SLC16A10: variants seen among roughly 807,000 people sequenced by gnomAD.
SLC16A10 encodes monocarboxylate transporter 10.
In SLC16A10, 27 loss-of-function variants were observed where a neutral mutation model predicts 40.0. That is an observed-to-expected ratio of 0.67 (90% CI 0.50 to 0.93). SLC16A10 has a LOEUF of 0.93. Ranked by LOEUF, SLC16A10 falls within the 40% of genes least tolerant of loss-of-function variation. SLC16A10 has a pLI of 0.00. For synonymous variants in SLC16A10, 213 were observed against 249.8 expected, an observed-to-expected ratio of 0.85 and a Z score of 1.39; for missense variants, 529 against 658.2, an observed-to-expected ratio of 0.80 and a Z score of 2.15.
intron 1 of SLC16A10, among the ~76,000 whole-genome samples, chr6:111,159,067 CAAAAAAAAAAAAAA>C (rs548809670): frequency 1.1e-3 from 25 of 23,406 alleles, no homozygotes; most frequent in Admixed American, 4.2e-3. Context: ...GACCCTGACT[CAAAAAAAAAAAAAA>C]AAAAAAAAAA....
intron 3 of SLC16A10, among the ~76,000 whole-genome samples, chr6:111,186,895 A>G (rs1483212967): frequency 1.3e-5 from 2 of 152,152 alleles, no homozygotes; most frequent in Admixed American, 6.6e-5. Context: ...TGCTCATTTA[A>G]AGGGCAATGC....
At chr6:111,191,942 A>G (rs1773001052) in intron 3 of SLC16A10, among the ~76,000 whole-genome samples, 1 of 152,144 alleles carries the variant, frequency 6.6e-6, no homozygotes, top group Admixed American at 6.5e-5. Flanking sequence ...ATAGATTGCA[A>G]AAATTTTCTC....
intron 3 of SLC16A10, among the ~76,000 whole-genome samples, chr6:111,186,359 G>A (rs1161938455): frequency 5.9e-5 from 9 of 152,198 alleles, no homozygotes; most frequent in Non-Finnish European, 1.3e-4. Context: ...TCAAGTTTGA[G>A]GAACCTAAAT....
intron 1 of SLC16A10, among the ~76,000 whole-genome samples, chr6:111,100,845 T>C (rs1321524919): frequency 6.6e-6 from 1 of 151,674 alleles, no homozygotes; most frequent in African/African-American, 2.4e-5. Context: ...TATGCATATA[T>C]ACATACATAC....
chr6:111,210,963 C>CA, intron 4 of SLC16A10, among the ~76,000 whole-genome samples: 1 of 150,130 alleles, frequency 6.7e-6, no homozygotes, highest in South Asian at 2.1e-4. Context: ...GCAGAGGTTG[C>CA]AGTGAGCCGA....
At chr6:111,191,340 G>A (rs1220216430) in intron 3 of SLC16A10, among the ~76,000 whole-genome samples, 2 of 152,124 alleles carry the variant, frequency 1.3e-5, no homozygotes, top group Non-Finnish European at 2.9e-5. Context: ...CCCTGCAAAG[G>A]ACATGAACTC....
intron 1 of SLC16A10, among the ~76,000 whole-genome samples, chr6:111,157,889 C>T (rs796809009): frequency 6.6e-4 from 96 of 146,262 alleles, no homozygotes; most frequent in African/African-American, 2.3e-3. Flanking sequence ...ATCCTTCTTA[C>T]AATGCTATAT....
intron 1 of SLC16A10, among the ~76,000 whole-genome samples, chr6:111,098,151 A>G (rs189832536): frequency 0.013 from 2,019 of 152,062 alleles, no homozygotes; most frequent in African/African-American, 0.047. Flanking sequence ...TACTAAAAAT[A>G]CTAAATTAGC....
intron 1 of SLC16A10, among the ~76,000 whole-genome samples, chr6:111,107,265 T>C (rs1583306079): frequency 6.6e-6 from 1 of 152,330 alleles, no homozygotes; most frequent in East Asian, 1.9e-4. Context: ...ACAACATGTC[T>C]GAACAGTTCG....
At chr6:111,180,331 C>T (rs1216128894) in intron 3 of SLC16A10, among the ~76,000 whole-genome samples, 1 of 152,092 alleles carries the variant, frequency 6.6e-6, no homozygotes, top group African/African-American at 2.4e-5. Flanking sequence ...ATCACTTGAG[C>T]CCAGCAGTTC....
At position 111,190,611 on chromosome 6, in the gene SLC16A10, TC is replaced by T. The variant is rs1400958691; in HGVS notation, c.942+12949del. On this transcript the variant is annotated intron_variant, in intron 3 of 5. Transcript: ENST00000368851. ...CATCCTCTGAAATCTAGGTGGAGGT[TC>T]CCAACCTCAATTCTTGATTTCTGTG... Among the ~76,000 whole-genome samples the T allele has an allele frequency of 2.6e-5, 4 of 152,354 alleles. No homozygotes were observed. In the East Asian group the frequency reaches 7.7e-4, roughly 29 times the overall value.
intron 1 of SLC16A10, among the ~76,000 whole-genome samples, chr6:111,164,609 A>T (rs1772437947): frequency 6.6e-6 from 1 of 152,086 alleles, no homozygotes; most frequent in Admixed American, 6.6e-5. Flanking sequence ...AAAAAAAAAT[A>T]AAAAAATTAG....
chr6:111,087,993 A>G lies in SLC16A10; in HGVS notation c.241A>G (p.Asn81Asp). ...GGTGATGCTGGCGGCCATGTGGTGC[A>G]ACGGGTCGGTGTTCGGCATCCAGAA... ...WLVMLAAMWC[N>D]GSVFGIQNAC... The change falls in exon 1 of 6, where the codon AAC becomes GAC. Residue 81 changes from asparagine to aspartate, a missense_variant. Asn to Asp is a conservative substitution (Grantham distance 23). Coordinates refer to ENST00000368851, the MANE Select transcript of SLC16A10 (RefSeq NM_018593.5). The G allele has an allele frequency of 6.2e-7, 1 of 1,611,374 alleles. No individual in the cohort carries two copies. The highest frequency in any genetic ancestry group is 8.5e-7 in the Non-Finnish European group (1 of 1,179,004).
At chr6:111,189,064 A>G (rs1772947811) in intron 3 of SLC16A10, among the ~76,000 whole-genome samples, 1 of 152,230 alleles carries the variant, frequency 6.6e-6, no homozygotes, top group Admixed American at 6.5e-5. Context: ...TTGAGTATCT[A>G]TTGTGTGCCA....
rs1771109848 is a variant in SLC16A10, at chr6:111,231,161, T to C, written c.*8926T>C. The C allele has an allele frequency of 6.6e-6, 1 of 150,900 alleles. No individual in the cohort carries two copies. Among genetic ancestry groups the C allele is most frequent in the Non-Finnish European group, 1.5e-5 (1 of 67,952 alleles). 9.3% of individuals were successfully genotyped at this position (150,900 alleles called of 1,614,324 possible). ...TTACTGTGGAAAAATGTGATACTCT[T>C]AGTAAATGCAATAAAAACTTTTTAG... On this transcript the variant is annotated 3_prime_UTR_variant, in exon 6 of 6. Coordinates refer to ENST00000368851, the MANE Select transcript of SLC16A10 (RefSeq NM_018593.5).
Position 111,091,342 on chromosome 6 carries a change from T to C in SLC16A10, c.343+3247T>C, listed in dbSNP as rs570861162. The C allele has an allele frequency of 4.6e-5, 7 of 152,326 alleles. No homozygotes were observed. The East Asian group carries it at 1.3e-3, about 29-fold the overall frequency. 9.4% of individuals were successfully genotyped at this position (152,326 alleles called of 1,614,324 possible). A position where few individuals can be genotyped will look rare whatever the true frequency, so the allele number is the denominator to read the frequency against. On this transcript the variant is annotated intron_variant, in intron 1 of 5. Transcript: ENST00000368851. Reference sequence around the variant, plus strand: ...GCTGAAGCAAGCACCAGGAGCTGGGTTTTAATCATTCATCATATTGCATTG... The same window carrying C: ...GCTGAAGCAAGCACCAGGAGCTGGGCTTTAATCATTCATCATATTGCATTG...
At chr6:111,201,386 C>A (rs1394065646) in intron 3 of SLC16A10, among the ~76,000 whole-genome samples, 1 of 152,142 alleles carries the variant, frequency 6.6e-6, no homozygotes, top group East Asian at 1.9e-4. Context: ...CCTCCCTGGG[C>A]CTGTTTTTGC....
chr6:111,224,243 A>G lies in SLC16A10; in HGVS notation c.*2008A>G, dbSNP rs563172649. ...GAGCAGAACCCTGTCTGTAAAAGAA[A>G]ATCAAAAACAAAAAATAAATGTTAA... On this transcript the variant is annotated 3_prime_UTR_variant, in exon 6 of 6. Transcript: ENST00000368851. The G allele has an allele frequency of 6.6e-6, 1 of 152,332 alleles. No individual in the cohort carries two copies. Among genetic ancestry groups the G allele is most frequent in the African/African-American group, 2.4e-5 (1 of 41,576 alleles). The allele number at this position is 152,332 out of a possible 1,614,324, so 9.4% of individuals were successfully genotyped here. A position where few individuals can be genotyped will look rare whatever the true frequency, so the allele number is the denominator to read the frequency against.
Position 111,222,090 on chromosome 6 carries a change from T to G in SLC16A10, c.1403T>G (p.Phe468Cys), listed in dbSNP as rs779895396. The change falls in exon 6 of 6, where the codon TTT (phenylalanine) becomes TGT (cysteine). Residue 468 changes from phenylalanine (F) to cysteine (C), a missense_variant. Transcript: ENST00000368851. ...PPLIGGAVLC[F>C]IPWIHSKKQR... ...CTTATTGGAGGTGCTGTGCTTTGTT[T>G]TATCCCGTGGATCCATAGTAAGAAG... 8 of 1,610,246 alleles carry G rather than the reference T, an allele frequency of 5.0e-6. No homozygotes were observed. The highest frequency in any genetic ancestry group is 6.8e-6 in the Non-Finnish European group (8 of 1,179,086).
Sources: gnomAD v4.1 joint callset for allele counts (sites outside exome capture counted in the v4.1 genomes callset) on GRCh38, gnomAD v4.1.1 for gene constraint, MANE v1.5 for transcripts, NCBI Gene and HGNC (gene_info 2026-07-23, HGNC 2026-07-21) for gene names.